The following RPS6KC1 variants were observed in gnomAD, a reference collection of about 807,000 sequenced individuals.
RPS6KC1 encodes the protein ribosomal protein S6 kinase C1.
In RPS6KC1, 54 loss-of-function variants were observed where a neutral mutation model predicts 103.8. The ratio of observed to expected loss-of-function variants is 0.52; its 90% CI spans 0.42 to 0.65. The LOEUF is 0.65. RPS6KC1 is among the 30% of genes least tolerant of loss of function. The pLI is 0.00. For missense variants in RPS6KC1, 1,151 were observed against 1,253.8 expected (o/e 0.92, Z 1.24); for synonymous variants, 439 against 438.7 (o/e 1.00, Z -0.01).
intron 1 of RPS6KC1, among the ~76,000 whole-genome samples, chr1:213,067,104 A>T (rs923602074): frequency 2.0e-5 from 3 of 152,116 alleles, no homozygotes; most frequent in Non-Finnish European, 4.4e-5. Flanking sequence ...ACCTTTCTGG[A>T]CTGAACCAGT....
the RPS6KC1 span, among the ~76,000 whole-genome samples, chr1:213,784,680 A>C: frequency 6.6e-6 from 1 of 152,142 alleles, no homozygotes; most frequent in Non-Finnish European, 1.5e-5. Context: ...TCTATGGTAG[A>C]TCCACAGATG....
the RPS6KC1 span, among the ~76,000 whole-genome samples, chr1:213,651,245 G>C: frequency 0.06 from 9,136 of 152,210 alleles, 350 homozygotes; most frequent in East Asian, 0.16. Context: ...CAATAAAAAC[G>C]CCAGACAGGC....
At chr1:213,663,517 T>A in the RPS6KC1 span, among the ~76,000 whole-genome samples, 2 of 152,206 alleles carry the variant, frequency 1.3e-5, no homozygotes, top group Admixed American at 6.5e-5. Context: ...GAATCACTTC[T>A]GCTGGTGGCT....
chr1:213,475,735 G>T, the RPS6KC1 span, among the ~76,000 whole-genome samples: 1 of 152,200 alleles, frequency 6.6e-6, no homozygotes, highest in African/African-American at 2.4e-5. Flanking sequence ...TCAAGCTCTA[G>T]AGTTTGGAGG....
At chr1:213,372,238 C>T in the RPS6KC1 span, among the ~76,000 whole-genome samples, 3 of 152,182 alleles carry the variant, frequency 2.0e-5, no homozygotes, top group East Asian at 1.9e-4. Context: ...ACTTGGGCCG[C>T]GGCCTCCAGC....
intron 12 of RPS6KC1, among the ~76,000 whole-genome samples, chr1:213,245,535 C>A (rs2094440588): frequency 6.6e-6 from 1 of 152,204 alleles, no homozygotes; most frequent in South Asian, 2.1e-4. Context: ...CCTGCCACTT[C>A]ACCTCCTGGG....
chr1:213,527,550 G>A, the RPS6KC1 span, among the ~76,000 whole-genome samples: 3 of 152,284 alleles, frequency 2.0e-5, no homozygotes, highest in East Asian at 1.9e-4. Flanking sequence ...TACTAAGGAA[G>A]CTTATATGCT....
the RPS6KC1 span, among the ~76,000 whole-genome samples, chr1:213,599,393 G>A: frequency 6.7e-6 from 1 of 148,218 alleles, no homozygotes; most frequent in African/African-American, 2.5e-5. Context: ...TCTGTTCCAA[G>A]CACCAGAAGA....
At chr1:213,306,791 A>G in the RPS6KC1 span, among the ~76,000 whole-genome samples, 1 of 152,274 alleles carries the variant, frequency 6.6e-6, no homozygotes, top group African/African-American at 2.4e-5. Context: ...AGTACAAAGC[A>G]CTTAGTAGGT....
the RPS6KC1 span, among the ~76,000 whole-genome samples, chr1:213,775,197 C>T: frequency 2.0e-5 from 3 of 152,058 alleles, no homozygotes; most frequent in Admixed American, 6.6e-5. Flanking sequence ...GATATGTAGG[C>T]ATTATTGTGT....
the RPS6KC1 span, among the ~76,000 whole-genome samples, chr1:213,423,674 C>T: frequency 6.6e-5 from 10 of 152,226 alleles, no homozygotes; most frequent in African/African-American, 2.4e-4. Flanking sequence ...TGTCAAGCCT[C>T]TGTTAGTTCC....
the RPS6KC1 span, among the ~76,000 whole-genome samples, chr1:213,750,141 T>A: frequency 6.6e-6 from 1 of 152,172 alleles, no homozygotes; most frequent in African/African-American, 2.4e-5. Flanking sequence ...TGTTCGGGGG[T>A]TAGGGACAAT....
the RPS6KC1 span, among the ~76,000 whole-genome samples, chr1:213,775,564 C>T: frequency 2.0e-5 from 3 of 152,108 alleles, no homozygotes; most frequent in Non-Finnish European, 4.4e-5. Context: ...TTTTAAAATA[C>T]TTTATTGCTA....
rs35617516 is a variant in RPS6KC1 at position 213,204,620 on chromosome 1, C to CTT, written c.1045-25857_1045-25856dup. Among the ~76,000 whole-genome samples the CTT allele has an allele frequency of 2.5e-3, 315 of 127,632 alleles. 1 individual carries two copies. Among genetic ancestry groups the CTT allele is most frequent in the African/African-American group, 6.7e-3 (231 of 34,226 alleles). 83.7% of individuals were successfully genotyped at this position (127,632 alleles called of 152,430 possible). ...TAAACAATTTCTAATTTAATTGTCACTTTTTTTTTTTTTTTTTTTTTGAGG... is the reference window on the plus strand; with the variant it reads ...TAAACAATTTCTAATTTAATTGTCACTTTTTTTTTTTTTTTTTTTTTTTGAGG... On this transcript the variant is annotated intron_variant, in intron 8 of 14. Coordinates refer to ENST00000366960, the MANE Select transcript of RPS6KC1 (RefSeq NM_012424.6).
chr1:213,834,303 G>T, the RPS6KC1 span, among the ~76,000 whole-genome samples: 2 of 152,270 alleles, frequency 1.3e-5, no homozygotes, highest in East Asian at 3.9e-4. Context: ...GGGATTACAG[G>T]TATGAGCCAC....
At chr1:213,304,067 G>A in the RPS6KC1 span, among the ~76,000 whole-genome samples, 8 of 150,410 alleles carry the variant, frequency 5.3e-5, 1 homozygote, top group East Asian at 3.9e-4. Flanking sequence ...TTAGCCGGGC[G>A]TAGTGGCGGG....
the RPS6KC1 span, among the ~76,000 whole-genome samples, chr1:213,442,756 C>T: frequency 5.3e-5 from 8 of 152,172 alleles, no homozygotes; most frequent in Non-Finnish European, 8.8e-5. Context: ...GTACACATCT[C>T]TTTTCTCGGG....
the RPS6KC1 span, among the ~76,000 whole-genome samples, chr1:213,468,630 G>A: frequency 1.3e-5 from 2 of 152,180 alleles, no homozygotes; most frequent in African/African-American, 2.4e-5. Context: ...ATCTGTCTGA[G>A]GTTCTAACAG....
the RPS6KC1 span, among the ~76,000 whole-genome samples, chr1:213,490,688 G>T: frequency 3.3e-5 from 5 of 152,176 alleles, no homozygotes; most frequent in Non-Finnish European, 7.3e-5. Flanking sequence ...AGTTCAAGAT[G>T]GCAGGACTGT....
Sources: allele counts gnomAD v4.1 joint callset (sites outside exome capture counted in the v4.1 genomes callset), GRCh38; gene constraint gnomAD v4.1.1; transcripts MANE v1.5; gene names NCBI Gene and HGNC (gene_info 2026-07-23, HGNC 2026-07-21).